The following VAV3 variants were observed in gnomAD, a reference collection of about 807,000 sequenced individuals.
The protein encoded by VAV3 is guanine nucleotide exchange factor VAV3.
Under a neutral mutation model 131.2 loss-of-function variants are expected in VAV3, and 94 were observed. The ratio of observed to expected loss-of-function variants is 0.72; its 90% CI spans 0.61 to 0.85. The LOEUF is 0.85. Ranked by LOEUF, VAV3 falls within the 40% of genes least tolerant of loss-of-function variation. The pLI, the probability that VAV3 is intolerant of heterozygous loss-of-function variation, is 0.00. For synonymous variants in VAV3, 349 were observed against 342.0 expected, an observed-to-expected ratio of 1.02 and a Z score of -0.22; for missense variants, 939 against 1,002.7, an observed-to-expected ratio of 0.94 and a Z score of 0.86.
chr1:107,885,577 G>A (rs1302137555), intron 1 of VAV3, among the ~76,000 whole-genome samples: 1 of 152,146 alleles, frequency 6.6e-6, no homozygotes, highest in African/African-American at 2.4e-5. Flanking sequence ...ATCTACAAAT[G>A]TAGGAGGTAC....
chr1:107,751,960 T>G (rs1342732242), intron 12 of VAV3, among the ~76,000 whole-genome samples: 3 of 152,184 alleles, frequency 2.0e-5, no homozygotes, highest in East Asian at 3.8e-4. Flanking sequence ...AAAATCCCAG[T>G]GATGTTTTCT....
At chr1:107,890,426 C>G (rs1671257984) in intron 1 of VAV3, among the ~76,000 whole-genome samples, 1 of 152,126 alleles carries the variant, frequency 6.6e-6, no homozygotes, top group African/African-American at 2.4e-5. Context: ...TCTTAGCCTT[C>G]CCATAAACAC....
intron 1 of VAV3, among the ~76,000 whole-genome samples, chr1:107,953,737 G>T (rs1259379673): frequency 6.6e-6 from 1 of 151,994 alleles, no homozygotes; most frequent in Non-Finnish European, 1.5e-5. Flanking sequence ...ATGCTCCCAG[G>T]AAAAGGCATA....
chr1:107,734,264 T>C (rs936466475), intron 15 of VAV3, among the ~76,000 whole-genome samples: 1 of 152,056 alleles, frequency 6.6e-6, no homozygotes, highest in East Asian at 1.9e-4. Context: ...ACATGCCAAA[T>C]TGTAAAGACC....
chr1:107,954,391 T>C (rs907118280), intron 1 of VAV3, among the ~76,000 whole-genome samples: 11 of 152,200 alleles, frequency 7.2e-5, no homozygotes, highest in Non-Finnish European at 1.3e-4. Flanking sequence ...TCACTTTCTC[T>C]CTTCCCCTCA....
In VAV3 at chr1:107,574,113, TC is replaced by T. The variant is rs766439186; in HGVS notation, c.2435del (p.Gly812GlufsTer4). 6.2e-7 allele frequency: 1 copy of T among 1,614,132 alleles called. No individual in the cohort carries two copies. The highest frequency in any genetic ancestry group is 1.3e-5 in the African/African-American group (1 of 75,038). ...TCTTTGTGTAAATCTTCACCACATC[TC>T]CTTTCAACAAGGACAACTCTCTCAT... ...RDMRELSLLK[G>X]DVVKIYTKMS... is the part of the protein sequence containing the mutation. On this transcript the variant is annotated frameshift_variant, in exon 26 of 27. Coordinates refer to ENST00000370056, the MANE Select transcript of VAV3 (RefSeq NM_006113.5). LOFTEE classifies it high-confidence loss of function.
intron 17 of VAV3, among the ~76,000 whole-genome samples, chr1:107,702,227 A>C (rs1660175730): frequency 6.6e-6 from 1 of 152,202 alleles, no homozygotes; most frequent in African/African-American, 2.4e-5. Flanking sequence ...GACAGAGAGC[A>C]AGAGCAAGAA....
intron 19 of VAV3, among the ~76,000 whole-genome samples, chr1:107,646,618 C>G (rs1374038400): frequency 2.6e-5 from 4 of 152,036 alleles, no homozygotes; most frequent in Non-Finnish European, 4.4e-5. Context: ...ACAACAAAAG[C>G]TTTGTTGTAC....
intron 20 of VAV3, among the ~76,000 whole-genome samples, chr1:107,631,616 A>C (rs1654492478): frequency 7.7e-6 from 1 of 129,152 alleles, no homozygotes; most frequent in Non-Finnish European, 1.6e-5. Context: ...TCCTAATGCT[A>C]TCCCTCCCCC....
At chr1:107,864,217 T>G (rs1669875135) in intron 2 of VAV3, among the ~76,000 whole-genome samples, 4 of 152,144 alleles carry the variant, frequency 2.6e-5, no homozygotes, top group Admixed American at 2.0e-4. Context: ...AATATCAGAG[T>G]TGAACAAACT....
chr1:107,669,994 T>A (rs1657669287), intron 19 of VAV3, among the ~76,000 whole-genome samples: 1 of 152,222 alleles, frequency 6.6e-6, no homozygotes, highest in South Asian at 2.1e-4. Flanking sequence ...CATGATTTTG[T>A]ATGCCATGGC....
chr1:107,960,374 G>A (rs764690069), intron 1 of VAV3, among the ~76,000 whole-genome samples: 11 of 151,996 alleles, frequency 7.2e-5, no homozygotes, highest in South Asian at 2.1e-4. Context: ...GCTCAGGAAC[G>A]AGAAACTCTT....
chr1:107,619,024 T>C (rs960798237), intron 20 of VAV3, among the ~76,000 whole-genome samples: 1 of 152,046 alleles, frequency 6.6e-6, no homozygotes, highest in African/African-American at 2.4e-5. Flanking sequence ...GGAAAGGAAT[T>C]GGAGGGAGAG....
At chr1:107,856,420 A>G (rs1447480435) in intron 2 of VAV3, among the ~76,000 whole-genome samples, 1 of 152,212 alleles carries the variant, frequency 6.6e-6, no homozygotes, top group African/African-American at 2.4e-5. Context: ...GTCAAACCAG[A>G]ATATAACATT....
At chr1:107,762,649 T>A (rs1032596519) in intron 9 of VAV3, among the ~76,000 whole-genome samples, 3 of 152,122 alleles carry the variant, frequency 2.0e-5, no homozygotes, top group Admixed American at 6.6e-5. Flanking sequence ...CCCAACACAG[T>A]GGTAGGAACA....
At chr1:107,773,003 T>C (rs1481639067) in intron 4 of VAV3, among the ~76,000 whole-genome samples, 160 bp from the exon 5 acceptor site, 2 of 152,218 alleles carry the variant, frequency 1.3e-5, no homozygotes, top group Admixed American at 1.3e-4. Context: ...TCCCTCTTAA[T>C]AGGTACAATG....
chr1:107,800,729 T>A (rs1666789406), intron 2 of VAV3, among the ~76,000 whole-genome samples: 1 of 152,192 alleles, frequency 6.6e-6, no homozygotes, highest in Non-Finnish European at 1.5e-5. Context: ...TAATCTCTTG[T>A]TATATGGATA....
intron 1 of VAV3, among the ~76,000 whole-genome samples, chr1:107,954,520 G>A (rs1674706000): frequency 1.4e-5 from 2 of 144,156 alleles, no homozygotes; most frequent in African/African-American, 5.1e-5. Flanking sequence ...TCCAGATTCA[G>A]TATCCTGAGG....
intron 2 of VAV3, among the ~76,000 whole-genome samples, chr1:107,834,700 G>T (rs541268624): frequency 1.3e-5 from 2 of 151,570 alleles, no homozygotes; most frequent in African/African-American, 4.9e-5. Flanking sequence ...ACTTTGAACA[G>T]ATCTTTGGAG....
Sources: gnomAD v4.1 joint callset for allele counts (sites outside exome capture counted in the v4.1 genomes callset) on GRCh38, gnomAD v4.1.1 for gene constraint, MANE v1.5 for transcripts, NCBI Gene and HGNC (gene_info 2026-07-23, HGNC 2026-07-21) for gene names.